SGPL1: variants seen among roughly 807,000 people sequenced by gnomAD.
SGPL1 encodes SP-lyase 1.
In SGPL1, 37 loss-of-function variants were observed where a neutral mutation model predicts 68.9. That is an observed-to-expected ratio of 0.54 (90% CI 0.41 to 0.71). SGPL1 has a LOEUF of 0.71. SGPL1 is among the 30% of genes least tolerant of loss of function. SGPL1 has a pLI of 0.00. For missense variants in SGPL1, 551 were observed against 704.6 expected (o/e 0.78, Z 2.47); for synonymous variants, 236 against 248.5 (o/e 0.95, Z 0.47).
chr10:70,834,347 A>C (rs920807177), intron 2 of SGPL1, among the ~76,000 whole-genome samples: 3 of 152,108 alleles, frequency 2.0e-5, no homozygotes, highest in Admixed American at 2.0e-4. Flanking sequence ...AGAAGAAGAT[A>C]GATTCTCTTG....
At chr10:70,861,787 C>T (rs897769750) in intron 7 of SGPL1, among the ~76,000 whole-genome samples, 51 of 152,234 alleles carry the variant, frequency 3.4e-4, no homozygotes, top group African/African-American at 1.1e-3. Flanking sequence ...TAGCACCCAG[C>T]CAGCAGCTGC....
chr10:70,827,895 A>G (rs1845463685), intron 2 of SGPL1, among the ~76,000 whole-genome samples: 1 of 152,152 alleles, frequency 6.6e-6, no homozygotes, highest in African/African-American at 2.4e-5. Flanking sequence ...CATACAGTAT[A>G]TTCTCTTTTG....
chr10:70,862,100 A>G (rs1043992241), intron 7 of SGPL1, among the ~76,000 whole-genome samples: 3 of 152,198 alleles, frequency 2.0e-5, no homozygotes, highest in Non-Finnish European at 2.9e-5. Context: ...TGCGGGATCC[A>G]CTGGGTGAAG....
At chr10:70,867,770 A>G (rs1229971164) in intron 7 of SGPL1, among the ~76,000 whole-genome samples, 1 of 151,722 alleles carries the variant, frequency 6.6e-6, no homozygotes, top group Non-Finnish European at 1.5e-5. Context: ...AACTTTAGGA[A>G]AACATTTCAC....
rs182348399 is a variant in SGPL1, at chr10:70,834,934, A to G, written c.28-9539A>G. Among the ~76,000 whole-genome samples, 9 of 152,326 alleles carry G rather than the reference A, an allele frequency of 5.9e-5. No individual in the cohort carries two copies. The East Asian group carries it at 1.2e-3, about 20-fold the overall frequency. The stretch of plus-strand genomic sequence containing the variant: ...GTCTTCATCTGTGAAGGACAGGTTC[A>G]GCTCTGATGGCCTATGATGTGATGA... On this transcript the variant is annotated intron_variant, in intron 2 of 14. Transcript: ENST00000373202.
intron 2 of SGPL1, among the ~76,000 whole-genome samples, chr10:70,817,854 T>C (rs1382418341): frequency 6.6e-6 from 1 of 152,224 alleles, no homozygotes; most frequent in African/African-American, 2.4e-5. Context: ...ATTGAACCAG[T>C]ATGAATTTAA....
intron 5 of SGPL1, among the ~76,000 whole-genome samples, chr10:70,856,896 T>G (rs909103928): frequency 6.6e-6 from 1 of 152,154 alleles, no homozygotes; most frequent in Non-Finnish European, 1.5e-5. Flanking sequence ...GAGAGGAAAG[T>G]GGAAAGTCAG....
intron 11 of SGPL1, 112 bp from the exon 12 acceptor site, chr10:70,873,239 A>G: frequency 1.2e-6 from 1 of 830,430 alleles, no homozygotes; most frequent in Non-Finnish European, 2.0e-6. Context: ...GGGAAACATA[A>G]CAGAGAAACT....
rs1170353567 is a variant in SGPL1 at position 70,876,302 on chromosome 10, C to A, written c.1446-239C>A. ...GGGATGGGTGGGACAAAGCAGCCAA[C>A]ACTGTTCATCCTCTTAGCATGGTTC... is the stretch of plus-strand genomic sequence containing the variant. On this transcript the variant is annotated intron_variant, in intron 13 of 14. Transcript: ENST00000373202. Among the ~76,000 whole-genome samples the A allele has an allele frequency of 2.0e-5, 3 of 152,210 alleles. No individual in the cohort carries two copies. In the East Asian group the frequency reaches 5.8e-4, roughly 29 times the overall value.
At chr10:70,875,759 A>G (rs1254098889) in intron 13 of SGPL1, among the ~76,000 whole-genome samples, 1 of 152,222 alleles carries the variant, frequency 6.6e-6, no homozygotes, top group Non-Finnish European at 1.5e-5. Flanking sequence ...ATTAGGTGAC[A>G]GCCTCCTAGA....
chr10:70,816,968 C>G, intron 2 of SGPL1, 88 bp downstream of exon 2: 1 of 1,230,260 alleles, frequency 8.1e-7, no homozygotes, highest in African/African-American at 1.5e-5. Context: ...GATTTCACCT[C>G]TGATGCTTGC....
intron 8 of SGPL1, chr10:70,869,406 T>C (rs1365366148): frequency 6.4e-6 from 1 of 155,048 alleles, no homozygotes; most frequent in Non-Finnish European, 1.4e-5. Context: ...CGGGAAGCCT[T>C]CTTCTCATTC....
chr10:70,870,895 G>A (rs1846282513), intron 9 of SGPL1, among the ~76,000 whole-genome samples, 153 bp from the exon 10 acceptor site: 2 of 152,334 alleles, frequency 1.3e-5, no homozygotes, highest in South Asian at 4.1e-4. Context: ...TGTCACCGTG[G>A]TGGGATGCAG....
At chr10:70,872,102 C>G in intron 11 of SGPL1, 116 bp downstream of exon 11, 2 of 1,061,524 alleles carry the variant, frequency 1.9e-6, no homozygotes, top group Non-Finnish European at 2.7e-6. Context: ...TCATCAGATG[C>G]TTGTTTTAAA....
chr10:70,827,284 T>C (rs1845453979), intron 2 of SGPL1, among the ~76,000 whole-genome samples: 1 of 152,256 alleles, frequency 6.6e-6, no homozygotes, highest in Non-Finnish European at 1.5e-5. Flanking sequence ...AAGTACCCTT[T>C]TCAATGTTTA....
At position 70,844,789 on chromosome 10, in the gene SGPL1, G is replaced by T. The variant is rs1427535851; in HGVS notation, c.193+151G>T. The T allele has an allele frequency of 8.3e-6, 6 of 719,204 alleles. No individual in the cohort carries two copies. The East Asian group carries it at 1.6e-4, about 20-fold the overall frequency. The allele number at this position is 719,204 out of a possible 1,614,324, so 44.6% of individuals were successfully genotyped here. A position where few individuals can be genotyped will look rare whatever the true frequency, so the allele number is the denominator to read the frequency against. On this transcript the variant is annotated intron_variant, in intron 3 of 14. Coordinates refer to ENST00000373202, the MANE Select transcript of SGPL1 (RefSeq NM_003901.4). ...GGAGTCTCCATCTGTTGCTAGGCTG[G>T]AGTGCACTGGCCTGATCTTGGCTCA...
At chr10:70,877,062 G>A (rs1248995463) in intron 14 of SGPL1, 133 bp from the exon 15 acceptor site, 2 of 774,688 alleles carry the variant, frequency 2.6e-6, no homozygotes, top group African/African-American at 3.4e-5. Flanking sequence ...ATGATGGGAT[G>A]CCTTAGGTGG....
chr10:70,845,524 G>C (rs1475477453), intron 3 of SGPL1, among the ~76,000 whole-genome samples: 4 of 152,120 alleles, frequency 2.6e-5, no homozygotes, highest in African/African-American at 9.7e-5. Context: ...ACATGGGGAA[G>C]AAGAGGCCAC....
Position 70,869,917 on chromosome 10 carries a change from C to G in SGPL1, c.810+20C>G. On this transcript the variant is annotated intron_variant, in intron 9 of 14. Transcript: ENST00000373202. ...GTGCGGGTGAGTCCCTCTGGAGGGC[C>G]CACTGTCTGTGCTGGGCCCTGACAG... is the stretch of plus-strand genomic sequence containing the variant. The G allele has an allele frequency of 1.2e-6, 2 of 1,600,968 alleles. No homozygotes were observed. The highest frequency in any genetic ancestry group is 1.7e-6 in the Non-Finnish European group (2 of 1,168,962).
Sources: allele counts gnomAD v4.1 joint callset (sites outside exome capture counted in the v4.1 genomes callset), GRCh38; gene constraint gnomAD v4.1.1; transcripts MANE v1.5; gene names NCBI Gene and HGNC (gene_info 2026-07-23, HGNC 2026-07-21).